Variants in ITGA2 observed in about 807,000 individuals in gnomAD.
The protein encoded by ITGA2 is integrin alpha-2.
ITGA2 carries 101 observed loss-of-function variants against 146.3 expected under a neutral mutation model. The observed-to-expected ratio is 0.69, with a 90% CI of 0.59 to 0.81. ITGA2 has a LOEUF of 0.81. Ranked by LOEUF, ITGA2 falls within the 40% of genes least tolerant of loss-of-function variation. ITGA2 has a pLI of 0.00. For missense variants in ITGA2, 1,281 were observed against 1,402.7 expected, an observed-to-expected ratio of 0.91 and a Z score of 1.39; for synonymous variants, 477 against 487.1, an observed-to-expected ratio of 0.98 and a Z score of 0.27.
intron 1 of ITGA2, among the ~76,000 whole-genome samples, chr5:53,011,692 A>G (rs1224152574): frequency 6.6e-6 from 1 of 152,136 alleles, no homozygotes; most frequent in Middle Eastern, 3.2e-3. Flanking sequence ...TAGTGTTTAA[A>G]AAGAACTTTG....
At chr5:53,047,643 G>A (rs1744156685) in intron 4 of ITGA2, among the ~76,000 whole-genome samples, 1 of 152,134 alleles carries the variant, frequency 6.6e-6, no homozygotes, top group African/African-American at 2.4e-5. Context: ...ACAAATTAGG[G>A]AATCTGGCAA....
At chr5:53,049,005 G>T (rs3212488) in intron 6 of ITGA2, among the ~76,000 whole-genome samples, 1 of 149,288 alleles carries the variant, frequency 6.7e-6, no homozygotes, top group South Asian at 2.1e-4. Flanking sequence ...AAAGGTATGG[G>T]ACATAACTTT....
chr5:53,087,928 G>A (rs1158195007), intron 28 of ITGA2, among the ~76,000 whole-genome samples: 2 of 152,158 alleles, frequency 1.3e-5, no homozygotes, highest in Non-Finnish European at 2.9e-5. Context: ...ATGAACTATG[G>A]GCCTCCTCAC....
At chr5:53,017,536 T>C (rs555623569) in intron 1 of ITGA2, among the ~76,000 whole-genome samples, 57 of 152,174 alleles carry the variant, frequency 3.7e-4, no homozygotes, top group African/African-American at 1.3e-3. Context: ...TTTGTTGGGG[T>C]GGTGGCAGCA....
At position 53,091,126 on chromosome 5, in the gene ITGA2, G is replaced by A. The variant is rs1321616803; in HGVS notation, c.*527G>A. On this transcript the variant is annotated 3_prime_UTR_variant, in exon 30 of 30. Transcript: ENST00000296585. ...TTTCAATTTATGCTGCTCATCCAAA[G>A]TTGCCACAGATGATACTTCCAAGTG... 5.4e-6 allele frequency: 1 copy of A among 185,568 alleles called. No homozygotes were observed. The highest frequency in any genetic ancestry group is 1.1e-5 in the Non-Finnish European group (1 of 89,572). 11.5% of individuals were successfully genotyped at this position (185,568 alleles called of 1,614,324 possible).
chr5:53,055,722 T>C lies in ITGA2; in HGVS notation c.930+34T>C, dbSNP rs531490711. The C allele has an allele frequency of 8.7e-6, 14 of 1,610,172 alleles. No individual in the cohort carries two copies. In the African/African-American group the frequency reaches 1.1e-4, roughly 12 times the overall value. On this transcript the variant is annotated intron_variant, in intron 8 of 29. Coordinates refer to ENST00000296585, the MANE Select transcript of ITGA2 (RefSeq NM_002203.4). ...CTTTTCTTTTCACTTGTCTTGCCGCTATTGGGTAAATCTTTCTTTATAGCA... is the reference window on the plus strand; with the variant it reads ...CTTTTCTTTTCACTTGTCTTGCCGCCATTGGGTAAATCTTTCTTTATAGCA...
rs141222610 is a variant in ITGA2, at chr5:53,076,217, G to A, written c.2825+913G>A. 3.1e-3 allele frequency among the ~76,000 whole-genome samples: 475 copies of A among 152,056 alleles called. 9 individuals carry two copies. The highest frequency in any genetic ancestry group is 0.026 in the Admixed American group (389 of 15,248). ...GGTGAAGCAATAGGACAGCTTCCCA[G>A]CACAGATCAATGACCCCTGAATAGC... On this transcript the variant is annotated intron_variant, in intron 23 of 29. Transcript: ENST00000296585.
At chr5:53,001,883 A>G (rs1741603012) in intron 1 of ITGA2, among the ~76,000 whole-genome samples, 1 of 150,120 alleles carries the variant, frequency 6.7e-6, no homozygotes, top group Non-Finnish European at 1.5e-5. Context: ...TTCTTTCTTC[A>G]CCCCATCTTC....
chr5:53,038,490 G>A (rs1447143350), intron 2 of ITGA2, among the ~76,000 whole-genome samples: 1 of 152,094 alleles, frequency 6.6e-6, no homozygotes, highest in East Asian at 1.9e-4. Context: ...TGTGCTTCGT[G>A]TCCAGTCTGC....
chr5:53,083,884 C>T (rs1293217353), intron 27 of ITGA2, among the ~76,000 whole-genome samples: 2 of 152,188 alleles, frequency 1.3e-5, no homozygotes, highest in Non-Finnish European at 1.5e-5. Context: ...TATGATTGAT[C>T]TCAAACCACC....
At chr5:53,001,422 GT>G (rs1273806708) in intron 1 of ITGA2, among the ~76,000 whole-genome samples, 1 of 152,136 alleles carries the variant, frequency 6.6e-6, no homozygotes, top group African/African-American at 2.4e-5. Flanking sequence ...CGGTTCACAT[GT>G]CATGTAAGGA....
intron 1 of ITGA2, among the ~76,000 whole-genome samples, chr5:52,993,892 T>C (rs1458457234): frequency 6.6e-6 from 1 of 152,138 alleles, no homozygotes; most frequent in Non-Finnish European, 1.5e-5. Context: ...AGAGAAACCA[T>C]GAAAGATCAC....
At chr5:53,018,662 T>G (rs1045351751) in intron 1 of ITGA2, among the ~76,000 whole-genome samples, 2 of 152,182 alleles carry the variant, frequency 1.3e-5, no homozygotes, top group African/African-American at 4.8e-5. Context: ...TGGTATAGTT[T>G]TTGAGTAACA....
chr5:53,078,987 C>G, intron 24 of ITGA2, 113 bp downstream of exon 24: 2 of 717,590 alleles, frequency 2.8e-6, no homozygotes, highest in Non-Finnish European at 5.0e-6. Flanking sequence ...CCGTGGTTCT[C>G]AAACTTGGGT....
chr5:53,010,746 GAC>G (rs748545216), intron 1 of ITGA2, among the ~76,000 whole-genome samples: 8 of 152,282 alleles, frequency 5.3e-5, no homozygotes, highest in South Asian at 2.1e-4. Context: ...GGGGCCAGGT[GAC>G]AGAGTATAGT....
chr5:53,087,257 A>C (rs767373039), intron 28 of ITGA2, among the ~76,000 whole-genome samples: 1 of 152,138 alleles, frequency 6.6e-6, no homozygotes, highest in African/African-American at 2.4e-5. Context: ...CCCCCCACTC[A>C]TGTCAGCAAA....
chr5:53,050,642 T>G (rs1744312188), intron 6 of ITGA2, among the ~76,000 whole-genome samples: 1 of 152,158 alleles, frequency 6.6e-6, no homozygotes, highest in Admixed American at 6.5e-5. Context: ...GCCACTCCTG[T>G]TCTGGAAAGC....
chr5:52,992,501 G>T (rs1415056109), intron 1 of ITGA2, among the ~76,000 whole-genome samples: 3 of 152,048 alleles, frequency 2.0e-5, no homozygotes, highest in Non-Finnish European at 4.4e-5. Flanking sequence ...TCCTCTATTG[G>T]CTACCATTGT....
chr5:53,077,747 T>C (rs773234125), intron 23 of ITGA2, among the ~76,000 whole-genome samples: 1 of 152,040 alleles, frequency 6.6e-6, no homozygotes, highest in Non-Finnish European at 1.5e-5. Context: ...ATTTTCCTTT[T>C]AAGGATATGG....
Sources: allele counts gnomAD v4.1 joint callset (sites outside exome capture counted in the v4.1 genomes callset), GRCh38; gene constraint gnomAD v4.1.1; transcripts MANE v1.5; gene names NCBI Gene and HGNC (gene_info 2026-07-23, HGNC 2026-07-21).